Variants in CASKIN2 observed in about 807,000 individuals in gnomAD.
CASKIN2 encodes the protein caskin-2.
In CASKIN2, 41 loss-of-function variants were observed where a neutral mutation model predicts 107.1. That is an observed-to-expected ratio of 0.38 (90% confidence interval 0.30 to 0.50). The LOEUF (loss-of-function observed/expected upper bound fraction) is 0.50, where lower values mean the gene tolerates loss of function less well. CASKIN2 is among the 20% of genes least tolerant of loss of function. The pLI is 0.92. For synonymous variants in CASKIN2, 724 were observed against 705.6 expected (o/e 1.03, Z -0.41); for missense variants, 1,546 against 1,657.4 (o/e 0.93, Z 1.17).
At position 75,502,904 on chromosome 17, in the gene CASKIN2, G is replaced by A; in HGVS notation, c.2170C>T (p.Pro724Ser). Reference sequence around the variant, plus strand: ...AGGTTCCTCTCCTGGGGGGGGCTGGGATCTCCACCGCTGGGCTGTGGGGCA... The same window carrying A: ...AGGTTCCTCTCCTGGGGGGGGCTGGAATCTCCACCGCTGGGCTGTGGGGCA... ...QPAPQPSGGD[P>S]SPPQERNLPE... The change falls in exon 18 of 20, where the codon CCC (proline) becomes TCC (serine). Residue 724 changes from proline to serine, a missense_variant. By Grantham distance (74) the Pro-to-Ser change is moderately conservative (BLOSUM62 -1). This residue lies in a region of CASKIN2 where 1,311 missense variants were observed against 1,311.0 expected (regional missense o/e 1.00). Transcript: ENST00000321617. The surrounding 1 kb of genome is among the most constrained non-coding windows in gnomAD (Gnocchi z 4.3). 6.5e-7 allele frequency: 1 copy of A among 1,548,834 alleles called. No homozygotes were observed. The highest frequency in any genetic ancestry group is 1.2e-5 in the South Asian group (1 of 80,668).
At chr17:75,511,383 G>A (rs568958185) in intron 2 of CASKIN2, among the ~76,000 whole-genome samples, 2 of 152,212 alleles carry the variant, frequency 1.3e-5, no homozygotes, top group African/African-American at 4.8e-5. Flanking sequence ...ATACTGATGG[G>A]CAGCTGAGTG....
chr17:75,505,182 C>A lies in CASKIN2; in HGVS notation c.931-109G>T. 2 of 1,250,224 alleles carry A rather than the reference C, an allele frequency of 1.6e-6. No individual in the cohort carries two copies. Among genetic ancestry groups the A allele is most frequent in the Non-Finnish European group, 1.1e-6 (1 of 881,364 alleles). The allele number at this position is 1,250,224 out of a possible 1,614,324, so 77.4% of individuals were successfully genotyped here. A position where few individuals can be genotyped will look rare whatever the true frequency, so the allele number is the denominator to read the frequency against. ...CAACCCTGGTCCAGCTCTTTCCCTA[C>A]CCCTAAGGAGCTGGCCTCTGATGCC... On this transcript the variant is annotated intron_variant, in intron 10 of 19. Transcript: ENST00000321617. The surrounding 1 kb of genome is among the most constrained non-coding windows in gnomAD (Gnocchi z 5.1).
intron 2 of CASKIN2, among the ~76,000 whole-genome samples, chr17:75,510,258 T>C (rs2053305638): frequency 6.6e-6 from 1 of 152,160 alleles, no homozygotes; most frequent in South Asian, 2.1e-4. Context: ...CCCTCTTCTC[T>C]CAGCCACCTG....
intron 2 of CASKIN2, chr17:75,509,762 G>A (rs2053301438): frequency 2.0e-6 from 2 of 985,472 alleles, no homozygotes; most frequent in Middle Eastern, 5.2e-4. Flanking sequence ...GGTCAGCAGG[G>A]AAGAGACACA....
In CASKIN2 at chr17:75,506,980, G is replaced by A. The variant is rs776821653; in HGVS notation, c.390+4C>T. The A allele has an allele frequency of 5.0e-6, 8 of 1,613,196 alleles. No individual in the cohort carries two copies. The highest frequency in any genetic ancestry group is 2.2e-5 in the South Asian group (2 of 91,068). ...GCCACGCCCCTGTGGGCAGCCTCAC[G>A]TACCACCTCATAATGTCCATACTGT... On this transcript the variant is annotated splice_donor_region_variant and intron_variant, in intron 5 of 19. Coordinates refer to ENST00000321617, the MANE Select transcript of CASKIN2 (RefSeq NM_020753.5). This position sits in a 1 kb window ranked among gnomAD's most constrained non-coding sequence, Gnocchi z 4.8.
At chr17:75,512,342 C>G (rs2053321991) in intron 2 of CASKIN2, among the ~76,000 whole-genome samples, 3 of 152,216 alleles carry the variant, frequency 2.0e-5, no homozygotes, top group Admixed American at 2.0e-4. Context: ...CAGCGGCCTC[C>G]TGGGACAGCC....
intron 3 of CASKIN2, chr17:75,507,931 A>G: frequency 1.7e-6 from 1 of 581,564 alleles, no homozygotes; most frequent in Non-Finnish European, 3.1e-6. Flanking sequence ...CCGTGGGAGC[A>G]GGAGCCTGAG....
chr17:75,501,323 G>T, intron 19 of CASKIN2, 145 bp downstream of exon 19: 1 of 1,188,780 alleles, frequency 8.4e-7, no homozygotes, highest in Non-Finnish European at 1.2e-6. Context: ...AGGATTCCCT[G>T]ATCTAGGTGA....
chr17:75,514,470 A>C (rs2053339884), intron 1 of CASKIN2, among the ~76,000 whole-genome samples: 1 of 152,148 alleles, frequency 6.6e-6, no homozygotes, highest in African/African-American at 2.4e-5. Flanking sequence ...GCAGTACCTC[A>C]ACCTTGGGCA....
rs1416550937 is a variant in CASKIN2, at chr17:75,502,988, G to A, written c.2086C>T (p.Pro696Ser). ...CGTGCCCCGATGCTCTCCTGGCTGG[G>A]AGAGCGGGCAGGTGGGAGGGGGAGT... Reference protein sequence around the residue: ...EPLPLPPARSPSQESIGARSR... With the variant: ...EPLPLPPARSSSQESIGARSR... Residue 696 changes from proline to serine, a missense_variant, in exon 18 of 20, where the codon CCC becomes TCC. This residue lies in a region of CASKIN2 where 1,311 missense variants were observed against 1,311.0 expected (regional missense o/e 1.00). Transcript: ENST00000321617. The surrounding 1 kb of genome is among the most constrained non-coding windows in gnomAD (Gnocchi z 4.3). 2 of 1,605,886 alleles carry A rather than the reference G, an allele frequency of 1.2e-6. No individual in the cohort carries two copies. The highest frequency in any genetic ancestry group is 3.4e-5 in the Admixed American group (2 of 59,690).
rs1190356985 is a variant in CASKIN2 at position 75,505,982 on chromosome 17, C to G, written c.727-53G>C. 6.7e-7 allele frequency: 1 copy of G among 1,484,046 alleles called. No individual in the cohort carries two copies. Among genetic ancestry groups the G allele is most frequent in the Non-Finnish European group, 9.3e-7 (1 of 1,070,940 alleles). The allele number at this position is 1,484,046 out of a possible 1,614,324, so 91.9% of individuals were successfully genotyped here. A position where few individuals can be genotyped will look rare whatever the true frequency, so the allele number is the denominator to read the frequency against. ...CGCTAAGCACTTTGACACCCCTCACCCGATTCTCTCAGCTACCCGGGACAT... is the reference window on the plus strand; with the variant it reads ...CGCTAAGCACTTTGACACCCCTCACGCGATTCTCTCAGCTACCCGGGACAT... On this transcript the variant is annotated intron_variant, in intron 8 of 19. Transcript: ENST00000321617. The surrounding 1 kb of genome is among the most constrained non-coding windows in gnomAD (Gnocchi z 5.1).
chr17:75,502,702 G>A lies in CASKIN2; in HGVS notation c.2372C>T (p.Pro791Leu), dbSNP rs569952439. ...GTGGGACCGGCGCTTAGGTCGAGGC[G>A]GGTCTGGGGGAGTGGCAGGGGGCCC... ...LAGPPATPPDPPRPKRRSHSL... is the reference protein window; with the variant it reads ...LAGPPATPPDLPRPKRRSHSL... Residue 791 changes from proline (P) to leucine (L), a missense_variant, in exon 18 of 20, where the codon CCG becomes CTG. Around this residue, in one of 6 missense-constraint regions of CASKIN2, gnomAD observed 1,311 missense variants for 1,311.0 expected, o/e 1.00. Transcript: ENST00000321617. The surrounding 1 kb of genome is among the most constrained non-coding windows in gnomAD (Gnocchi z 4.3). 130 of 1,590,402 alleles carry A rather than the reference G, an allele frequency of 8.2e-5. No individual in the cohort carries two copies. The South Asian group carries it at 1.1e-3, about 13-fold the overall frequency.
At position 75,502,743 on chromosome 17, in the gene CASKIN2, G is replaced by A. The variant is rs2053215468; in HGVS notation, c.2331C>T (p.Ala777=). The A allele has an allele frequency of 1.3e-6, 2 of 1,589,490 alleles. No individual in the cohort carries two copies. Among genetic ancestry groups the A allele is most frequent in the South Asian group, 1.1e-5 (1 of 89,022 alleles). ...APGPPPGAPW[A]FSYLAGPPAT... ...CAGGGGGCCCGGCCAAGTAGGAGAA[G>A]GCCCAGGGTGCGCCAGGAGGTGGCC... is the stretch of plus-strand genomic sequence containing the variant. Residue 777 remains alanine, a synonymous_variant, in exon 18 of 20, where the codon GCC becomes GCT. Transcript: ENST00000321617. This position sits in a 1 kb window ranked among gnomAD's most constrained non-coding sequence, Gnocchi z 4.3.
Position 75,506,264 on chromosome 17 carries a change from G to C in CASKIN2, c.726+41C>G, listed in dbSNP as rs1243087682. On this transcript the variant is annotated intron_variant, in intron 8 of 19. Transcript: ENST00000321617. The surrounding 1 kb of genome is among the most constrained non-coding windows in gnomAD (Gnocchi z 4.8). The stretch of plus-strand genomic sequence containing the variant: ...AGCCAGTCAGGGGCACAGGGCAGAG[G>C]CTCCATGGACACCTGCGAGGGAGCA... The C allele has an allele frequency of 3.3e-6, 5 of 1,530,224 alleles. No individual in the cohort carries two copies. The Admixed American group carries it at 5.0e-5, about 15-fold the overall frequency. The allele number at this position is 1,530,224 out of a possible 1,614,324, so 94.8% of individuals were successfully genotyped here.
intron 4 of CASKIN2, 80 bp from the exon 5 acceptor site, chr17:75,507,209 A>T: frequency 6.8e-7 from 1 of 1,474,966 alleles, no homozygotes; most frequent in South Asian, 1.3e-5. Flanking sequence ...GTACGGAGCC[A>T]GCCCAGCTGG....
At position 75,502,022 on chromosome 17, in the gene CASKIN2, G is replaced by T. The variant is rs780849335; in HGVS notation, c.3052C>A (p.Pro1018Thr). 1 of 1,612,664 alleles carries T rather than the reference G, an allele frequency of 6.2e-7. No homozygotes were observed. The highest frequency in any genetic ancestry group is 8.5e-7 in the Non-Finnish European group (1 of 1,179,876). Residue 1018 changes from proline (P) to threonine (T), a missense_variant, in exon 18 of 20, where the codon CCC becomes ACC. Pro to Thr is a conservative substitution (Grantham distance 38, BLOSUM62 -1). Transcript: ENST00000321617. The surrounding 1 kb of genome is among the most constrained non-coding windows in gnomAD (Gnocchi z 4.3). ...AFGVASATPG[P>T]AAPLPSPTPG... ...GTTGGGGAAGGCAGTGGGGCAGCGG[G>T]GCCAGGCGTGGCACTGGCCACTCCG...
chr17:75,503,703 T>A lies in CASKIN2; in HGVS notation c.1636A>T (p.Ile546Phe). ...CACTCGGCGATGCTGAGCTGAGCGA[T>A]CTCTGAGGCGATCTTCTTCCTGTGC... ...PGHRKKIASE[I>F]AQLSIAEWLP... The change falls in exon 16 of 20, where the codon ATC (isoleucine) becomes TTC (phenylalanine). Residue 546 changes from isoleucine (I) to phenylalanine (F), a missense_variant. By Grantham distance (21) the Ile-to-Phe change is conservative. Coordinates refer to ENST00000321617, the MANE Select transcript of CASKIN2 (RefSeq NM_020753.5). 4.3e-6 allele frequency: 7 copies of A among 1,612,514 alleles called. No individual in the cohort carries two copies. Among genetic ancestry groups the A allele is most frequent in the Non-Finnish European group, 5.9e-6 (7 of 1,179,992 alleles).
chr17:75,508,222 G>A lies in CASKIN2; in HGVS notation c.146+12C>T. 1.9e-6 allele frequency: 3 copies of A among 1,613,700 alleles called. No individual in the cohort carries two copies. The South Asian group carries it at 3.3e-5, about 18-fold the overall frequency. On this transcript the variant is annotated intron_variant, in intron 3 of 19. Transcript: ENST00000321617. ...CCAGCAGCTCTGCAGAGGGACAGGG[G>A]CTCCCACTCACCCATCAGCATCCTG... is the stretch of plus-strand genomic sequence containing the variant.
chr17:75,501,112 G>A lies in CASKIN2; in HGVS notation c.3577C>T (p.Leu1193=), dbSNP rs1281689946. The A allele has an allele frequency of 6.9e-6, 11 of 1,588,308 alleles. No homozygotes were observed. Among genetic ancestry groups the A allele is most frequent in the African/African-American group, 2.7e-5 (2 of 74,638 alleles). ...AGCATGGCGTCCAGCTGGTCAGCCAGGGCGTCGAACATGGTGCTGATGTCA... is the reference window on the plus strand; with the variant it reads ...AGCATGGCGTCCAGCTGGTCAGCCAAGGCGTCGAACATGGTGCTGATGTCA... ...LDDISTMFDA[L]ADQLDAMLD Residue 1193 remains leucine, a synonymous_variant, in exon 20 of 20, where the codon CTG becomes TTG. Coordinates refer to ENST00000321617, the MANE Select transcript of CASKIN2 (RefSeq NM_020753.5).
Sources: gnomAD v4.1 joint callset for allele counts (sites outside exome capture counted in the v4.1 genomes callset) on GRCh38, gnomAD v4.1.1 for gene constraint, gnomAD v4.1.1 regional missense constraint, Gnocchi (gnomAD v3.1) non-coding constraint, MANE v1.5 for transcripts, NCBI Gene and HGNC (gene_info 2026-07-23, HGNC 2026-07-21) for gene names.